Variants in CD300E observed in about 807,000 individuals in gnomAD.
CD300E encodes CMRF35-like molecule 2.
Under a neutral mutation model 20.9 loss-of-function variants are expected in CD300E, and 14 were observed. The observed-to-expected ratio is 0.67, with a 90% CI of 0.44 to 1.05. CD300E has a LOEUF of 1.05. CD300E is among the 50% of genes least tolerant of loss of function. The pLI is 0.00. For synonymous variants in CD300E, 102 were observed against 103.7 expected, an observed-to-expected ratio of 0.98 and a Z score of 0.10; for missense variants, 237 against 253.9, an observed-to-expected ratio of 0.93 and a Z score of 0.45.
In CD300E at chr17:74,612,247, GTCTC is replaced by G. The variant is rs148872036; in HGVS notation, c.*402_*405del. ...TCGCTCTCTCTCTCTCTCTCTCTCT[GTCTC>G]TCTCTCTCTCTCTCTCTCTCTCTCT... On this transcript the variant is annotated 3_prime_UTR_variant, in exon 4 of 4. Coordinates refer to ENST00000392619, the MANE Select transcript of CD300E (RefSeq NM_181449.3). 576 of 103,146 alleles carry G rather than the reference GTCTC, an allele frequency of 5.6e-3. 1 individual carries two copies. Among genetic ancestry groups the G allele is most frequent in the African/African-American group, 8.8e-3 (242 of 27,492 alleles). 6.4% of individuals were successfully genotyped at this position (103,146 alleles called of 1,614,324 possible).
intron 1 of CD300E, 37 bp from the exon 2 acceptor site, chr17:74,617,502 A>T (rs1370087769): frequency 6.4e-7 from 1 of 1,553,654 alleles, no homozygotes; most frequent in East Asian, 2.3e-5. Context: ...GTCTCCATCC[A>T]GATGGCCCCA....
In CD300E at chr17:74,610,470, C is replaced by T. The variant is rs958460923; in HGVS notation, c.*2183G>A. On this transcript the variant is annotated 3_prime_UTR_variant, in exon 4 of 4. Coordinates refer to ENST00000392619, the MANE Select transcript of CD300E (RefSeq NM_181449.3). ...GATTCCAAACACACAGAAAACTAAG[C>T]TCTGCATCATCCAAGCCTGCTCTTG... The T allele has an allele frequency of 2.6e-5, 4 of 152,252 alleles. No individual in the cohort carries two copies. The highest frequency in any genetic ancestry group is 2.1e-4 in the South Asian group (1 of 4,828). The allele number at this position is 152,252 out of a possible 1,614,324, so 9.4% of individuals were successfully genotyped here.
At position 74,617,422 on chromosome 17, in the gene CD300E, C is replaced by T. The variant is rs561431138; in HGVS notation, c.84G>A (p.Ala28=). 129 of 1,613,958 alleles carry T rather than the reference C, an allele frequency of 8.0e-5. 1 individual carries two copies. Among genetic ancestry groups the T allele is most frequent in the South Asian group, 1.3e-4 (12 of 91,072 alleles). ...GACACCACACTGTCAGAGAGTCCCC[C>T]GCAGTGCCAGTCACAGAGCCGGGGC... ...LKGPGSVTGT[A]GDSLTVWCQY... Residue 28 remains alanine, a synonymous_variant, in exon 2 of 4, where the codon GCG becomes GCA. Transcript: ENST00000392619.
intron 1 of CD300E, among the ~76,000 whole-genome samples, 165 bp downstream of exon 1, chr17:74,623,417 C>G (rs556905124): frequency 1.3e-5 from 2 of 152,164 alleles, no homozygotes; most frequent in African/African-American, 4.8e-5. Context: ...TTGTAGGATC[C>G]GTGGATGAAT....
chr17:74,623,496 ACCTCTGGTTTGAAC>A, intron 1 of CD300E, 72 bp downstream of exon 1: 2 of 1,311,286 alleles, frequency 1.5e-6, no homozygotes, highest in Non-Finnish European at 1.1e-6. Flanking sequence ...TGGACACTTC[ACCTCTGGTTTGAAC>A]CCAGGACAGC....
chr17:74,611,683 G>A lies in CD300E; in HGVS notation c.*970C>T, dbSNP rs2030780849. 6.6e-6 allele frequency: 1 copy of A among 152,300 alleles called. No homozygotes were observed. The highest frequency in any genetic ancestry group is 1.9e-4 in the East Asian group (1 of 5,204). 9.4% of individuals were successfully genotyped at this position (152,300 alleles called of 1,614,324 possible). On this transcript the variant is annotated 3_prime_UTR_variant, in exon 4 of 4. Transcript: ENST00000392619. ...AGGTGGTCTCAGCCAGACTTCTAAA[G>A]TGGACAGAACTGACTCTGTTGACCT...
intron 3 of CD300E, among the ~76,000 whole-genome samples, chr17:74,613,650 G>T (rs1381254436): frequency 6.6e-6 from 1 of 152,218 alleles, no homozygotes; most frequent in Non-Finnish European, 1.5e-5. Flanking sequence ...GAAGGAGACA[G>T]GAAGGAGTGG....
chr17:74,623,505 T>A, intron 1 of CD300E, 77 bp downstream of exon 1: 1 of 1,457,870 alleles, frequency 6.9e-7, no homozygotes, highest in Non-Finnish European at 9.5e-7. Flanking sequence ...CACCTCTGGT[T>A]TGAACCCAGG....
At position 74,617,222 on chromosome 17, in the gene CD300E, T is replaced by C. The variant is rs369960702; in HGVS notation, c.284A>G (p.Asn95Ser). ...LAFTVTMQNL[N>S]EDDAGSYWCK... ...CCAGTAAGATCCAGCATCATCTTCA[T>C]TGAGGTTCTGCATGGTCACAGTGAA... Residue 95 changes from asparagine to serine, a missense_variant, in exon 2 of 4, where the codon AAT becomes AGT. Asn to Ser is a conservative substitution (Grantham distance 46). Coordinates refer to ENST00000392619, the MANE Select transcript of CD300E (RefSeq NM_181449.3). 1.1e-4 allele frequency: 180 copies of C among 1,614,094 alleles called. No individual in the cohort carries two copies. Among genetic ancestry groups the C allele is most frequent in the Non-Finnish European group, 1.5e-4 (174 of 1,180,048 alleles).
chr17:74,623,441 G>A (rs898143195), intron 1 of CD300E, 141 bp downstream of exon 1: 2 of 745,728 alleles, frequency 2.7e-6, no homozygotes, highest in Non-Finnish European at 4.5e-6. Flanking sequence ...TGAATGTATA[G>A]AAGGATGCAC....
At chr17:74,619,823 T>C (rs1006132236) in intron 1 of CD300E, among the ~76,000 whole-genome samples, 1 of 152,218 alleles carries the variant, frequency 6.6e-6, no homozygotes, top group African/African-American at 2.4e-5. Flanking sequence ...CAAGCCATTC[T>C]AAGCCAAGCA....
In CD300E at chr17:74,612,483, T is replaced by C. The variant is rs1480334507; in HGVS notation, c.*170A>G. 1 of 817,472 alleles carries C rather than the reference T, an allele frequency of 1.2e-6. No homozygotes were observed. The highest frequency in any genetic ancestry group is 1.7e-5 in the African/African-American group (1 of 57,560). The allele number at this position is 817,472 out of a possible 1,614,324, so 50.6% of individuals were successfully genotyped here. A position where few individuals can be genotyped will look rare whatever the true frequency, so the allele number is the denominator to read the frequency against. Reference sequence around the variant, plus strand: ...GAAAGGAGGACCCCCAAGCTGCACATTGAGGACTCCAGAGGAGTGTCCTCT... The same window carrying C: ...GAAAGGAGGACCCCCAAGCTGCACACTGAGGACTCCAGAGGAGTGTCCTCT... On this transcript the variant is annotated 3_prime_UTR_variant, in exon 4 of 4. Coordinates refer to ENST00000392619, the MANE Select transcript of CD300E (RefSeq NM_181449.3).
At position 74,611,515 on chromosome 17, in the gene CD300E, C is replaced by T. The variant is rs753840590; in HGVS notation, c.*1138G>A. On this transcript the variant is annotated 3_prime_UTR_variant, in exon 4 of 4. Transcript: ENST00000392619. ...ACAAACATTCAGAAAACCAACTGAG[C>T]TCATTCCCGAGCCAGGGGTCACCAG... is the stretch of plus-strand genomic sequence containing the variant. The T allele has an allele frequency of 2.4e-4, 37 of 152,280 alleles. No individual in the cohort carries two copies. The highest frequency in any genetic ancestry group is 4.0e-4 in the Non-Finnish European group (27 of 68,076). 9.4% of individuals were successfully genotyped at this position (152,280 alleles called of 1,614,324 possible). A position where few individuals can be genotyped will look rare whatever the true frequency, so the allele number is the denominator to read the frequency against.
chr17:74,611,531 G>A lies in CD300E; in HGVS notation c.*1122C>T, dbSNP rs1202749267. On this transcript the variant is annotated 3_prime_UTR_variant, in exon 4 of 4. Transcript: ENST00000392619. ...CCAACTGAGCTCATTCCCGAGCCAG[G>A]GGTCACCAGTAGTGGTGATAGCACT... The A allele has an allele frequency of 6.6e-6, 1 of 152,268 alleles. No homozygotes were observed. Among genetic ancestry groups the A allele is most frequent in the Admixed American group, 6.5e-5 (1 of 15,280 alleles). The allele number at this position is 152,268 out of a possible 1,614,324, so 9.4% of individuals were successfully genotyped here. A position where few individuals can be genotyped will look rare whatever the true frequency, so the allele number is the denominator to read the frequency against.
chr17:74,615,645 G>A (rs1315811077), intron 2 of CD300E, among the ~76,000 whole-genome samples: 2 of 152,000 alleles, frequency 1.3e-5, no homozygotes, highest in Non-Finnish European at 2.9e-5. Flanking sequence ...TCTAGCCTTA[G>A]CACTGAAAAT....
At position 74,613,951 on chromosome 17, in the gene CD300E, G is replaced by A. The variant is rs138852023; in HGVS notation, c.471C>T (p.Thr157=). ...LVVNPGRNLS[T]GEVLTQNSGF... Reference sequence around the variant, plus strand: ...CTGAATTTTGGGTCAACACCTCCCCGGTGCTGAGGTTTCGCCCAGGGTTCA... The same window carrying A: ...CTGAATTTTGGGTCAACACCTCCCCAGTGCTGAGGTTTCGCCCAGGGTTCA... Residue 157 remains threonine, a synonymous_variant, in exon 3 of 4, where the codon ACC becomes ACT. Coordinates refer to ENST00000392619, the MANE Select transcript of CD300E (RefSeq NM_181449.3). 5.7e-4 allele frequency: 919 copies of A among 1,613,694 alleles called. 1 individual carries two copies. The highest frequency in any genetic ancestry group is 7.1e-4 in the Non-Finnish European group (834 of 1,179,742).
At chr17:74,620,326 G>A (rs929480461) in intron 1 of CD300E, among the ~76,000 whole-genome samples, 1 of 152,300 alleles carries the variant, frequency 6.6e-6, no homozygotes, top group South Asian at 2.1e-4. Flanking sequence ...ACAAAAATTA[G>A]CCAGGCATAG....
At chr17:74,614,171 C>T in intron 2 of CD300E, 138 bp from the exon 3 acceptor site, 1 of 697,508 alleles carries the variant, frequency 1.4e-6, no homozygotes. Flanking sequence ...CAGGGCACCT[C>T]CTGGGTGAAA....
chr17:74,618,367 GAGAGAA>G (rs1424043669), intron 1 of CD300E, among the ~76,000 whole-genome samples: 3 of 152,146 alleles, frequency 2.0e-5, no homozygotes, highest in African/African-American at 2.4e-5. Context: ...GAGAGAGAGG[GAGAGAA>G]AGAGAAACAG....
Sources: allele counts gnomAD v4.1 joint callset (sites outside exome capture counted in the v4.1 genomes callset), GRCh38; gene constraint gnomAD v4.1.1; transcripts MANE v1.5; gene names NCBI Gene and HGNC (gene_info 2026-07-23, HGNC 2026-07-21).